SPOCK3: variants seen among roughly 807,000 people sequenced by gnomAD.
The protein encoded by SPOCK3 is SPARC (osteonectin), cwcv and kazal like domains proteoglycan 3.
Under a neutral mutation model 56.6 loss-of-function variants are expected in SPOCK3, and 30 were observed. The ratio of observed to expected loss-of-function variants is 0.53; its 90% CI spans 0.40 to 0.72. The LOEUF (loss-of-function observed/expected upper bound fraction) is 0.72, where lower values mean the gene tolerates loss of function less well. Among genes scored for constraint, SPOCK3 ranks in the 30% least tolerant of loss-of-function variants. The pLI, the probability that SPOCK3 is intolerant of heterozygous loss-of-function variation, is 0.00. For missense variants in SPOCK3, 527 were observed against 530.0 expected (o/e 0.99, Z 0.06); for synonymous variants, 196 against 183.3 (o/e 1.07, Z -0.56).
intron 6 of SPOCK3, among the ~76,000 whole-genome samples, chr4:166,843,895 A>T (rs984904815): frequency 1.3e-5 from 2 of 152,218 alleles, no homozygotes; most frequent in Non-Finnish European, 2.9e-5. Context: ...CTCTGAGATC[A>T]TCATGTAGAA....
At chr4:167,114,167 GACAA>G (rs1240496086) in intron 2 of SPOCK3, among the ~76,000 whole-genome samples, 6 of 152,014 alleles carry the variant, frequency 3.9e-5, no homozygotes, top group East Asian at 1.9e-4. Context: ...AGGTCAATTC[GACAA>G]ACAAACAATG....
rs556409214 is a variant in SPOCK3, at chr4:166,895,455, G to A, written c.475-6211C>T. On this transcript the variant is annotated intron_variant, in intron 5 of 10. Transcript: ENST00000357545. The stretch of plus-strand genomic sequence containing the variant: ...AAGGGATGCATTGTAAAAAAAGAAT[G>A]CAAGTAGCGGAAAGATTCAGGGCAG... Among the ~76,000 whole-genome samples the A allele has an allele frequency of 3.1e-3, 435 of 138,274 alleles. 1 individual carries two copies. The highest frequency in any genetic ancestry group is 0.011 in the African/African-American group (421 of 38,272). The allele number at this position is 138,274 out of a possible 152,430, so 90.7% of individuals were successfully genotyped here.
intron 7 of SPOCK3, among the ~76,000 whole-genome samples, chr4:166,766,280 A>T (rs1161099940): frequency 6.6e-6 from 1 of 152,168 alleles, no homozygotes; most frequent in African/African-American, 2.4e-5. Context: ...TTCAAAGGGA[A>T]TGCTTCCAGT....
intron 4 of SPOCK3, among the ~76,000 whole-genome samples, chr4:166,967,637 A>C (rs1744886673): frequency 6.6e-6 from 1 of 152,184 alleles, no homozygotes. Context: ...TGTATAGTCC[A>C]TGTAACTGTA....
chr4:166,966,724 A>G (rs571723178), intron 4 of SPOCK3, among the ~76,000 whole-genome samples: 1 of 152,174 alleles, frequency 6.6e-6, no homozygotes, highest in Non-Finnish European at 1.5e-5. Flanking sequence ...AAATTTTAAC[A>G]TAGTGGAAAA....
At chr4:167,105,712 A>T (rs989205767) in intron 2 of SPOCK3, among the ~76,000 whole-genome samples, 41 of 151,876 alleles carry the variant, frequency 2.7e-4, no homozygotes, top group Non-Finnish European at 4.7e-4. Flanking sequence ...TAAAAAAATT[A>T]AAAAAAGACC....
intron 2 of SPOCK3, among the ~76,000 whole-genome samples, chr4:167,068,936 C>T (rs1230682275): frequency 1.3e-5 from 2 of 151,802 alleles, no homozygotes; most frequent in Admixed American, 6.6e-5. Flanking sequence ...TCATGGTGAA[C>T]CTAACTTATA....
intron 6 of SPOCK3, among the ~76,000 whole-genome samples, chr4:166,813,359 C>T (rs919611612): frequency 6.6e-6 from 1 of 151,880 alleles, no homozygotes; most frequent in Non-Finnish European, 1.5e-5. Flanking sequence ...AATGAAAACT[C>T]AAGGATTAGG....
intron 2 of SPOCK3, among the ~76,000 whole-genome samples, chr4:167,074,194 C>T (rs1302940770): frequency 6.6e-6 from 1 of 151,896 alleles, no homozygotes; most frequent in Non-Finnish European, 1.5e-5. Context: ...GTGACTCACC[C>T]CCTTTTTCAG....
In SPOCK3 at chr4:166,751,986, G is replaced by T. The variant is rs78547900; in HGVS notation, c.931+2522C>A. ...TAAAATTATAACATTTTTTTCCCTT[G>T]GAAAACTACAAATATTTCACTTGCT... is the stretch of plus-strand genomic sequence containing the variant. On this transcript the variant is annotated intron_variant, in intron 8 of 10. Transcript: ENST00000357545. 1.9e-3 allele frequency among the ~76,000 whole-genome samples: 288 copies of T among 151,844 alleles called. 6 individuals are homozygous for T. The East Asian group carries it at 0.041, about 22-fold the overall frequency.
At chr4:166,899,208 A>G (rs1735741156) in intron 5 of SPOCK3, among the ~76,000 whole-genome samples, 1 of 151,702 alleles carries the variant, frequency 6.6e-6, no homozygotes, top group African/African-American at 2.4e-5. Flanking sequence ...AGCCTCCATT[A>G]CCACGTGACT....
At chr4:166,897,562 C>A (rs965996236) in intron 5 of SPOCK3, among the ~76,000 whole-genome samples, 2 of 152,128 alleles carry the variant, frequency 1.3e-5, no homozygotes, top group Admixed American at 6.5e-5. Flanking sequence ...ATTACCCCTG[C>A]GGGACTTGTG....
At chr4:166,931,320 T>G (rs1739735904) in intron 4 of SPOCK3, among the ~76,000 whole-genome samples, 1 of 136,118 alleles carries the variant, frequency 7.3e-6, no homozygotes, top group Non-Finnish European at 1.6e-5. Flanking sequence ...CACACTACTC[T>G]AGGTGTGTGT....
chr4:166,908,526 G>GCACACACACACA (rs377518404), intron 5 of SPOCK3, among the ~76,000 whole-genome samples: 3 of 136,128 alleles, frequency 2.2e-5, no homozygotes, highest in Non-Finnish European at 3.2e-5. Flanking sequence ...TCAAAACCAT[G>GCACACACACACA]CACACACACA....
intron 6 of SPOCK3, among the ~76,000 whole-genome samples, chr4:166,798,506 T>C (rs1279339502): frequency 3.3e-5 from 5 of 152,194 alleles, no homozygotes; most frequent in Non-Finnish European, 7.3e-5. Flanking sequence ...ACCATAGCTA[T>C]GATCAACAAC....
intron 2 of SPOCK3, among the ~76,000 whole-genome samples, chr4:167,109,363 TATATATATA>T (rs1760629047): frequency 8.1e-5 from 3 of 37,120 alleles, no homozygotes; most frequent in East Asian, 1.7e-3. Flanking sequence ...AATATATATT[TATATATATA>T]TTTATATAAA....
At chr4:167,174,830 C>T (rs749480661) in intron 2 of SPOCK3, among the ~76,000 whole-genome samples, 2 of 152,152 alleles carry the variant, frequency 1.3e-5, no homozygotes, top group Non-Finnish European at 2.9e-5. Context: ...CACACAAACA[C>T]ACATACACAC....
chr4:167,095,511 G>A (rs1047936557), intron 2 of SPOCK3, among the ~76,000 whole-genome samples: 2 of 151,784 alleles, frequency 1.3e-5, no homozygotes, highest in African/African-American at 4.8e-5. Flanking sequence ...AATGGAAACA[G>A]TAGATAAAAT....
chr4:166,812,270 A>G (rs994061396), intron 6 of SPOCK3, among the ~76,000 whole-genome samples: 2 of 151,942 alleles, frequency 1.3e-5, no homozygotes, highest in African/African-American at 4.8e-5. Flanking sequence ...AATATATGAG[A>G]TTACCATTTA....
Sources: gnomAD v4.1 joint callset for allele counts (sites outside exome capture counted in the v4.1 genomes callset) on GRCh38, gnomAD v4.1.1 for gene constraint, MANE v1.5 for transcripts, NCBI Gene and HGNC (gene_info 2026-07-23, HGNC 2026-07-21) for gene names.